Variants in ACCSL observed in about 807,000 individuals in gnomAD.
ACCSL encodes the protein 1-aminocyclopropane-1-carboxylate synthase homolog (inactive) like.
A neutral mutation model predicts 61.7 loss-of-function variants in ACCSL; 55 were observed. The observed-to-expected ratio is 0.89, with a 90% CI of 0.72 to 1.12. ACCSL has a LOEUF of 1.12. ACCSL is among the 50% of genes most tolerant of loss of function. ACCSL has a pLI of 0.00. For synonymous variants in ACCSL, 258 were observed against 264.3 expected (o/e 0.98, Z 0.23); for missense variants, 632 against 698.0 (o/e 0.91, Z 1.07).
intron 9 of ACCSL, 25 bp from the exon 10 acceptor site, chr11:44,056,015 G>C: frequency 6.2e-7 from 1 of 1,613,904 alleles, no homozygotes; most frequent in Non-Finnish European, 8.5e-7. Context: ...TATAACCTTA[G>C]TTAATTTTTC....
chr11:43,996,407 GCT>G, the ACCSL span, among the ~76,000 whole-genome samples: 1 of 152,150 alleles, frequency 6.6e-6, no homozygotes, highest in African/African-American at 2.4e-5. Context: ...AGATTGCCAC[GCT>G]CTGTTAACAG....
the ACCSL span, among the ~76,000 whole-genome samples, chr11:43,980,533 T>C: frequency 6.6e-6 from 1 of 152,244 alleles, no homozygotes; most frequent in Admixed American, 6.5e-5. Flanking sequence ...AAACATCCTT[T>C]AATATGTTTA....
chr11:43,959,954 TG>T, the ACCSL span, among the ~76,000 whole-genome samples: 1 of 152,108 alleles, frequency 6.6e-6, no homozygotes, highest in Admixed American at 6.5e-5. Context: ...ACAGGAGGCT[TG>T]GGACCCCCTT....
chr11:43,964,073 A>T, the ACCSL span, among the ~76,000 whole-genome samples: 8 of 32,944 alleles, frequency 2.4e-4, no homozygotes, highest in South Asian at 1.7e-3. Context: ...GAAAATATTA[A>T]AAAAAAAACA....
At chr11:43,952,583 TG>T in the ACCSL span, among the ~76,000 whole-genome samples, 1 of 152,216 alleles carries the variant, frequency 6.6e-6, no homozygotes, top group Non-Finnish European at 1.5e-5. Context: ...TTCTGATTAC[TG>T]GTGCATGCAG....
At chr11:44,000,055 G>A in the ACCSL span, among the ~76,000 whole-genome samples, 11 of 152,230 alleles carry the variant, frequency 7.2e-5, no homozygotes, top group East Asian at 3.9e-4. Flanking sequence ...AAGCGGGGGC[G>A]GATCACTTGA....
the ACCSL span, chr11:43,926,333 C>T: frequency 7.8e-4 from 232 of 296,894 alleles, 1 homozygote; most frequent in African/African-American, 5.0e-3. Context: ...AGTGCCTTGT[C>T]CCCTTGGGGT....
rs1411092289 is a variant in ACCSL at position 44,053,305 on chromosome 11, C to G, written c.949-101C>G. The G allele has an allele frequency of 4.2e-6, 5 of 1,184,608 alleles. No individual in the cohort carries two copies. The African/African-American group carries it at 6.0e-5, about 14-fold the overall frequency. 73.4% of individuals were successfully genotyped at this position (1,184,608 alleles called of 1,614,324 possible). A position where few individuals can be genotyped will look rare whatever the true frequency, so the allele number is the denominator to read the frequency against. The stretch of plus-strand genomic sequence containing the variant: ...AGTAGTTGCTGCTTCAAGACCCTAC[C>G]TAGGCCTTTTTGGGTGCCTAACCTA... On this transcript the variant is annotated intron_variant, in intron 7 of 13. Transcript: ENST00000378832.
At chr11:43,943,648 C>T in the ACCSL span, 5 of 1,305,208 alleles carry the variant, frequency 3.8e-6, no homozygotes, top group South Asian at 1.2e-5. This position sits in a 1 kb window ranked among gnomAD's most constrained non-coding sequence, Gnocchi z 4.8. Context: ...CTCCACCGTG[C>T]CCCCCAGCGC....
upstream of ACCSL, chr11:44,047,943 AG>A (rs1171796758): frequency 9.8e-6 from 14 of 1,425,728 alleles, no homozygotes; most frequent in East Asian, 2.5e-4. Flanking sequence ...CCTGGACCTG[AG>A]GGTCCAGGAG....
the ACCSL span, among the ~76,000 whole-genome samples, chr11:43,961,660 T>C: frequency 6.6e-6 from 1 of 152,048 alleles, no homozygotes; most frequent in African/African-American, 2.4e-5. Flanking sequence ...TTCTACCACA[T>C]GAGAAAGAAG....
At chr11:43,969,849 A>G in the ACCSL span, among the ~76,000 whole-genome samples, 2 of 152,152 alleles carry the variant, frequency 1.3e-5, no homozygotes, top group African/African-American at 4.8e-5. Context: ...GTCCTCAGCC[A>G]GCCAGAAGCA....
the ACCSL span, among the ~76,000 whole-genome samples, chr11:43,984,448 G>C: frequency 2.5e-3 from 386 of 152,212 alleles, 3 homozygotes; most frequent in African/African-American, 8.9e-3. Flanking sequence ...CAGATGAATG[G>C]ACTATGGGAT....
the ACCSL span, among the ~76,000 whole-genome samples, chr11:43,933,688 C>T: frequency 6.6e-6 from 1 of 152,178 alleles, no homozygotes; most frequent in Admixed American, 6.5e-5. Context: ...GAAAGCAGAA[C>T]CTTGGCAGGG....
chr11:44,055,332 G>C, intron 9 of ACCSL, 41 bp downstream of exon 9: 1 of 1,545,682 alleles, frequency 6.5e-7, no homozygotes, highest in Non-Finnish European at 8.9e-7. Context: ...AGAACCACAA[G>C]GTTCTTGTTT....
At chr11:44,050,449 G>A (rs1331866547) in intron 2 of ACCSL, 103 bp from the exon 3 acceptor site, 9 of 958,784 alleles carry the variant, frequency 9.4e-6, no homozygotes, top group Admixed American at 1.9e-5. Context: ...CTTTCTAGGA[G>A]GTCATGTATG....
chr11:44,036,649 G>A, the ACCSL span, among the ~76,000 whole-genome samples: 4 of 152,082 alleles, frequency 2.6e-5, no homozygotes, highest in Admixed American at 2.6e-4. Context: ...ATGTGTGGTG[G>A]TGCACACATG....
the ACCSL span, among the ~76,000 whole-genome samples, chr11:44,021,213 T>G: frequency 6.6e-6 from 1 of 152,250 alleles, no homozygotes; most frequent in East Asian, 1.9e-4. Context: ...CCATAGTGGT[T>G]GTACTAGCTT....
chr11:44,045,081 G>C (rs1390268137), upstream of ACCSL, among the ~76,000 whole-genome samples: 2 of 152,122 alleles, frequency 1.3e-5, no homozygotes, highest in African/African-American at 4.8e-5. Context: ...GATGAGTCTT[G>C]GCAGAAGTCC....
Sources: gnomAD v4.1 joint callset for allele counts (sites outside exome capture counted in the v4.1 genomes callset) on GRCh38, gnomAD v4.1.1 for gene constraint, Gnocchi (gnomAD v3.1) non-coding constraint, MANE v1.5 for transcripts, NCBI Gene and HGNC (gene_info 2026-07-23, HGNC 2026-07-21) for gene names.